Variants in AFMID observed in about 807,000 individuals in gnomAD.
AFMID encodes the protein arylformamidase, also known as kynurenine formamidase.
A neutral mutation model predicts 47.5 loss-of-function variants in AFMID; 39 were observed. The observed-to-expected ratio is 0.82, with a 90% CI of 0.64 to 1.07. The LOEUF is 1.07. Among genes scored for constraint, AFMID ranks in the 50% least tolerant of loss-of-function variants. The pLI is 0.00. For missense variants in AFMID, 375 were observed against 387.5 expected, an observed-to-expected ratio of 0.97 and a Z score of 0.27; for synonymous variants, 130 against 153.2, an observed-to-expected ratio of 0.85 and a Z score of 1.12.
intron 2 of AFMID, among the ~76,000 whole-genome samples, chr17:78,198,951 C>A (rs1473574864): frequency 6.6e-6 from 1 of 152,260 alleles, no homozygotes; most frequent in Non-Finnish European, 1.5e-5. Flanking sequence ...TAGACTCCCC[C>A]TCCCTTTCAT....
At chr17:78,197,210 A>C in intron 2 of AFMID, 1 of 1,550,728 alleles carries the variant, frequency 6.4e-7, no homozygotes, top group Non-Finnish European at 8.7e-7. Flanking sequence ...TGAGCCTGTG[A>C]GGCACATTGT....
Position 78,196,994 on chromosome 17 carries a change from G to A in AFMID, c.155-5505G>A, listed in dbSNP as rs117578576. ...TAGAGAGAGGCAATTTCTCTTTCCC[G>A]AGGTTAGTAGAGTTTTTTAATATCT... On this transcript the variant is annotated intron_variant, in intron 2 of 10. Transcript: ENST00000409257. 1.5e-3 allele frequency: 1,030 copies of A among 686,164 alleles called. 13 individuals are homozygous for A. In the East Asian group the frequency reaches 0.025, roughly 16 times the overall value. The allele number at this position is 686,164 out of a possible 1,614,324, so 42.5% of individuals were successfully genotyped here.
intron 7 of AFMID, 109 bp from the exon 8 acceptor site, chr17:78,205,331 C>A: frequency 2.1e-6 from 3 of 1,446,314 alleles, no homozygotes; most frequent in South Asian, 1.2e-5. Context: ...GCCTTCTCTG[C>A]CTCCTCTGTG....
chr17:78,197,479 T>C lies in AFMID; in HGVS notation c.155-5020T>C, dbSNP rs988670060. ...GGCAGGTCTGCAGCCCTGGGGCTTA[T>C]CAGACACCAACCCTGCTGGCACCTT... On this transcript the variant is annotated intron_variant, in intron 2 of 10. Coordinates refer to ENST00000409257, the MANE Select transcript of AFMID (RefSeq NM_001010982.5). 23 of 373,342 alleles carry C rather than the reference T, an allele frequency of 6.2e-5. No individual in the cohort carries two copies. The Admixed American group carries it at 1.1e-3, about 17-fold the overall frequency. 23.1% of individuals were successfully genotyped at this position (373,342 alleles called of 1,614,324 possible). A position where few individuals can be genotyped will look rare whatever the true frequency, so the allele number is the denominator to read the frequency against.
At chr17:78,202,367 T>C (rs886986326) in intron 2 of AFMID, 132 bp from the exon 3 acceptor site, 5 of 770,946 alleles carry the variant, frequency 6.5e-6, no homozygotes, top group Non-Finnish European at 1.0e-5. Flanking sequence ...AGGTGGAGAT[T>C]GCAGTGAGCC....
At chr17:78,187,555 T>A in intron 1 of AFMID, 122 bp downstream of exon 1, 1 of 1,043,034 alleles carries the variant, frequency 9.6e-7, no homozygotes, top group Non-Finnish European at 1.4e-6. Flanking sequence ...GCAGAGCGCC[T>A]AGTGCGTGCC....
chr17:78,194,688 A>G (rs886639154), intron 2 of AFMID, among the ~76,000 whole-genome samples: 1 of 151,964 alleles, frequency 6.6e-6, no homozygotes, highest in African/African-American at 2.4e-5. Flanking sequence ...TGTGACCTTC[A>G]GTAAAAATAC....
At chr17:78,198,408 G>T (rs9900969) in intron 2 of AFMID, among the ~76,000 whole-genome samples, 25,159 of 151,252 alleles carry the variant, frequency 0.17, 2,455 homozygotes, top group South Asian at 0.27. Flanking sequence ...AGACCAACCT[G>T]GCCAATATGG....
chr17:78,190,904 C>T (rs575018555), intron 1 of AFMID, 66 bp from the exon 2 acceptor site: 50 of 1,462,464 alleles, frequency 3.4e-5, no homozygotes, highest in Middle Eastern at 4.5e-4. Context: ...CGGGCATGGG[C>T]GAGGGGGAGG....
chr17:78,192,589 C>T, intron 2 of AFMID: 3 of 470,094 alleles, frequency 6.4e-6, no homozygotes, highest in Non-Finnish European at 4.4e-6. Flanking sequence ...GCTGGGATTA[C>T]AGGTATGAGC....
chr17:78,206,066 T>TG lies in AFMID; in HGVS notation c.885+18dup. The TG allele has an allele frequency of 6.2e-7, 1 of 1,610,728 alleles. No homozygotes were observed. The highest frequency in any genetic ancestry group is 1.3e-5 in the African/African-American group (1 of 74,986). ...GCTCACCCAGGTGGGGCCTCATCCCTGGCAGCCCTTTCATGGTAGACAGCA... is the reference window on the plus strand; with the variant it reads ...GCTCACCCAGGTGGGGCCTCATCCCTGGGCAGCCCTTTCATGGTAGACAGCA... On this transcript the variant is annotated intron_variant, in intron 10 of 10. Coordinates refer to ENST00000409257, the MANE Select transcript of AFMID (RefSeq NM_001010982.5).
chr17:78,189,978 C>T (rs139637009), intron 1 of AFMID, among the ~76,000 whole-genome samples: 2,372 of 151,436 alleles, frequency 0.016, 64 homozygotes, highest in African/African-American at 0.053. Context: ...ATTACAGGCG[C>T]GCGTCACCAT....
intron 1 of AFMID, among the ~76,000 whole-genome samples, chr17:78,188,657 C>G (rs1366116628): frequency 6.6e-6 from 1 of 151,732 alleles, no homozygotes; most frequent in African/African-American, 2.4e-5. Flanking sequence ...AGTGCAGTGG[C>G]GCGATCTGGG....
At chr17:78,205,332 C>G (rs978759434) in intron 7 of AFMID, 108 bp from the exon 8 acceptor site, 4 of 1,447,512 alleles carry the variant, frequency 2.8e-6, no homozygotes, top group Non-Finnish European at 3.9e-6. Context: ...CCTTCTCTGC[C>G]TCCTCTGTGC....
rs2076405924 is a variant in AFMID, at chr17:78,207,273, C to CTTCTTTTTTTT, written c.*338_*339insCTTTTTTTTTT. ...ACGCTCAAAAGTAATGCCATTACTT[C>CTTCTTTTTTTT]TTTTTTTTTTTTTTTTTTTTTTTTT... is the stretch of plus-strand genomic sequence containing the variant. On this transcript the variant is annotated 3_prime_UTR_variant, in exon 11 of 11. Coordinates refer to ENST00000409257, the MANE Select transcript of AFMID (RefSeq NM_001010982.5). 1 of 83,734 alleles carries CTTCTTTTTTTT rather than the reference C, an allele frequency of 1.2e-5. No individual in the cohort carries two copies. The highest frequency in any genetic ancestry group is 5.4e-4 in the East Asian group (1 of 1,846). The allele number at this position is 83,734 out of a possible 1,614,324, so 5.2% of individuals were successfully genotyped here. A position where few individuals can be genotyped will look rare whatever the true frequency, so the allele number is the denominator to read the frequency against.
intron 2 of AFMID, among the ~76,000 whole-genome samples, chr17:78,195,597 G>C (rs1181634845): frequency 1.3e-5 from 2 of 151,842 alleles, no homozygotes; most frequent in Non-Finnish European, 2.9e-5. Context: ...CTGCCTCCTG[G>C]GTTCAAGCAG....
intron 1 of AFMID, 35 bp from the exon 2 acceptor site, chr17:78,190,935 A>G (rs778269275): frequency 6.3e-7 from 1 of 1,599,276 alleles, no homozygotes; most frequent in Non-Finnish European, 8.6e-7. Context: ...GTTGAGAAGG[A>G]AAGTCTTACG....
intron 2 of AFMID, among the ~76,000 whole-genome samples, chr17:78,199,657 G>A (rs532195008): frequency 3.0e-5 from 4 of 135,518 alleles, no homozygotes; most frequent in Admixed American, 7.3e-5. Context: ...GCAGGTGTGC[G>A]CCGCCGCGCC....
At chr17:78,193,252 TC>T (rs1337540784) in intron 2 of AFMID, among the ~76,000 whole-genome samples, 1 of 151,372 alleles carries the variant, frequency 6.6e-6, no homozygotes, top group East Asian at 1.9e-4. Context: ...GCGCCTCTAG[TC>T]CCAGCTACTC....
Sources: allele counts gnomAD v4.1 joint callset (sites outside exome capture counted in the v4.1 genomes callset), GRCh38; gene constraint gnomAD v4.1.1; transcripts MANE v1.5; gene names NCBI Gene and HGNC (gene_info 2026-07-23, HGNC 2026-07-21).